APBA2: variants seen among roughly 807,000 people sequenced by gnomAD.
APBA2 encodes amyloid-beta A4 precursor protein-binding family A member 2.
APBA2 carries 30 observed loss-of-function variants against 75.0 expected under a neutral mutation model. The observed-to-expected ratio is 0.40, with a 90% CI of 0.30 to 0.54. The LOEUF is 0.54. APBA2 is among the 20% of genes least tolerant of loss of function. The pLI, the probability that APBA2 is intolerant of heterozygous loss-of-function variation, is 0.49. For synonymous variants in APBA2, 444 were observed against 409.6 expected (o/e 1.08, Z -1.01); for missense variants, 801 against 1,016.1 (o/e 0.79, Z 2.88).
chr15:28,922,505 C>T (rs1300371074), intron 2 of APBA2, among the ~76,000 whole-genome samples: 1 of 152,182 alleles, frequency 6.6e-6, no homozygotes, highest in East Asian at 1.9e-4. Context: ...CAGCCATTGT[C>T]CCGCAGGAGC....
chr15:29,081,270 G>T (rs896084125), intron 6 of APBA2, among the ~76,000 whole-genome samples: 15 of 152,302 alleles, frequency 9.8e-5, no homozygotes, highest in African/African-American at 3.1e-4. Context: ...TTGGGTGGGG[G>T]ATGGACGGGA....
chr15:28,976,657 A>G (rs1178252243), intron 2 of APBA2, among the ~76,000 whole-genome samples: 6 of 152,262 alleles, frequency 3.9e-5, no homozygotes. Context: ...CCAAGTTGAC[A>G]TGCCTGGGAT....
At chr15:29,021,031 G>A (rs578006505) in intron 3 of APBA2, among the ~76,000 whole-genome samples, 1 of 152,092 alleles carries the variant, frequency 6.6e-6, no homozygotes, top group South Asian at 2.1e-4. Context: ...GACAAGATGG[G>A]GAAGTGAGAG....
intron 3 of APBA2, among the ~76,000 whole-genome samples, chr15:29,038,306 A>G (rs1349996375): frequency 2.0e-5 from 3 of 152,208 alleles, no homozygotes; most frequent in African/African-American, 7.2e-5. Context: ...TCTGGCTCCA[A>G]GTGACCTATC....
chr15:29,053,057 G>A (rs911657873), intron 3 of APBA2, among the ~76,000 whole-genome samples: 7 of 152,272 alleles, frequency 4.6e-5, no homozygotes, highest in South Asian at 2.1e-4. Flanking sequence ...GGCCATAGCC[G>A]TGTGGTTTGG....
intron 3 of APBA2, among the ~76,000 whole-genome samples, chr15:29,017,622 T>C (rs996357280): frequency 2.0e-5 from 3 of 152,076 alleles, no homozygotes; most frequent in Non-Finnish European, 2.9e-5. Flanking sequence ...CCGTCCACCC[T>C]GGCCTCCCAA....
chr15:29,055,113 G>A (rs116761891), intron 4 of APBA2, among the ~76,000 whole-genome samples: 3,782 of 152,316 alleles, frequency 0.025, 163 homozygotes, highest in African/African-American at 0.088. Context: ...CACCCTAGAA[G>A]AGAGGTTCGA....
At chr15:29,071,072 T>A in intron 4 of APBA2, 1 of 456,714 alleles carries the variant, frequency 2.2e-6, no homozygotes, top group Non-Finnish European at 4.4e-6. Context: ...GGAAGCATCC[T>A]GACTATGTTG....
intron 3 of APBA2, among the ~76,000 whole-genome samples, chr15:29,029,412 T>C (rs1224230389): frequency 6.6e-6 from 1 of 152,182 alleles, no homozygotes; most frequent in African/African-American, 2.4e-5. Context: ...AGTTGTGATA[T>C]CTAATTTTTT....
At position 29,092,969 on chromosome 15, in the gene APBA2, C is replaced by G. The variant is rs112750895; in HGVS notation, c.1070-106C>G. Reference sequence around the variant, plus strand: ...GCAATGGTTGGGCCCTTCTAGTTTGCCCCGCATCCTGGCTGCCGTGTTCCT... The same window carrying G: ...GCAATGGTTGGGCCCTTCTAGTTTGGCCCGCATCCTGGCTGCCGTGTTCCT... On this transcript the variant is annotated intron_variant, in intron 6 of 14. Coordinates refer to ENST00000683413, the MANE Select transcript of APBA2 (RefSeq NM_001353788.2). 3.1e-5 allele frequency: 45 copies of G among 1,461,978 alleles called. 1 individual carries two copies. Among genetic ancestry groups the G allele is most frequent in the Non-Finnish European group, 4.3e-5 (45 of 1,050,218 alleles). The allele number at this position is 1,461,978 out of a possible 1,614,324, so 90.6% of individuals were successfully genotyped here.
chr15:29,054,266 C>T lies in APBA2; in HGVS notation c.382C>T (p.Pro128Ser). The change falls in exon 4 of 15, where the codon CCT becomes TCT. Residue 128 changes from proline (P) to serine (S), a missense_variant. Around this residue, in one of 2 missense-constraint regions of APBA2, gnomAD observed 434 missense variants for 471.6 expected, o/e 0.92. Transcript: ENST00000683413. The surrounding 1 kb of genome is among the most constrained non-coding windows in gnomAD (Gnocchi z 6.1). ...GEEYLAHSAH[P>S]VDTDECQEAV... is the part of the protein sequence containing the mutation. ...GGAGTACCTGGCCCACAGTGCACAC[C>T]CTGTGGACACTGATGAGTGCCAGGA... 2 of 1,614,138 alleles carry T rather than the reference C, an allele frequency of 1.2e-6. No homozygotes were observed. Among genetic ancestry groups the T allele is most frequent in the East Asian group, 2.2e-5 (1 of 44,844 alleles).
chr15:29,082,952 C>G (rs893429627), intron 6 of APBA2, among the ~76,000 whole-genome samples: 1 of 151,880 alleles, frequency 6.6e-6, no homozygotes, highest in Non-Finnish European at 1.5e-5. Context: ...ATCCCAGCTA[C>G]TAGAGAGGCT....
intron 2 of APBA2, among the ~76,000 whole-genome samples, chr15:28,955,838 A>G (rs955584767): frequency 6.6e-6 from 1 of 152,178 alleles, no homozygotes; most frequent in Non-Finnish European, 1.5e-5. Context: ...GTTCCATTGC[A>G]CTGGGTGTGT....
chr15:29,101,762 G>A lies in APBA2; in HGVS notation c.1502G>A (p.Cys501Tyr), dbSNP rs1448537552. The A allele has an allele frequency of 6.2e-7, 1 of 1,613,544 alleles. No individual in the cohort carries two copies. Among genetic ancestry groups the A allele is most frequent in the South Asian group, 1.1e-5 (1 of 91,054 alleles). The change falls in exon 10 of 15, where the codon TGC (cysteine) becomes TAC (tyrosine). Residue 501 changes from cysteine to tyrosine, a missense_variant. Cys to Tyr is a radical substitution (Grantham distance 194). Around this residue, in one of 2 missense-constraint regions of APBA2, gnomAD observed 367 missense variants for 544.5 expected, o/e 0.67. Transcript: ENST00000683413. Reference protein sequence around the residue: ...QEGKKQYKMICHVFESEDAQL... With the variant: ...QEGKKQYKMIYHVFESEDAQL... ...GGCAAGAAGCAGTATAAGATGATCT[G>A]CCATGTGTTCGAGTCGGAGGATGTA...
intron 2 of APBA2, among the ~76,000 whole-genome samples, chr15:28,985,632 T>G (rs77943150): frequency 0.018 from 2,756 of 152,354 alleles, 30 homozygotes; most frequent in Non-Finnish European, 0.029. Context: ...GTTGAGATTT[T>G]GGATTTCTGC....
chr15:28,926,109 C>T (rs559252159), intron 2 of APBA2, among the ~76,000 whole-genome samples: 1 of 152,196 alleles, frequency 6.6e-6, no homozygotes, highest in Admixed American at 6.5e-5. Flanking sequence ...AGAGTTGAGA[C>T]TTGTGTTTTT....
intron 3 of APBA2, among the ~76,000 whole-genome samples, chr15:29,051,203 G>C (rs1363275286): frequency 1.3e-5 from 2 of 152,180 alleles, no homozygotes; most frequent in African/African-American, 4.8e-5. Flanking sequence ...CAGTGTTCTT[G>C]ATGTGTCCTC....
intron 2 of APBA2, among the ~76,000 whole-genome samples, chr15:28,964,468 T>C (rs2036632425): frequency 6.6e-6 from 1 of 151,022 alleles, no homozygotes; most frequent in Admixed American, 6.6e-5. Context: ...GGGTGAAATA[T>C]CTGTTCATCA....
chr15:29,053,944 A>G lies in APBA2; in HGVS notation c.60A>G (p.Pro20=), dbSNP rs1441503061. 1.2e-6 allele frequency: 2 copies of G among 1,614,084 alleles called. No individual in the cohort carries two copies. The highest frequency in any genetic ancestry group is 1.7e-6 in the Non-Finnish European group (2 of 1,179,994). ...GCATGTTGGACCATAGGGTGAGACCAGGTCCTGTCCCTCACAGCCAGGAGC... is the reference window on the plus strand; with the variant it reads ...GCATGTTGGACCATAGGGTGAGACCGGGTCCTGTCCCTCACAGCCAGGAGC... The part of the protein sequence containing the change: ...GSGMLDHRVR[P]GPVPHSQEPE... Residue 20 remains proline (P), a synonymous_variant, in exon 4 of 15, where the codon CCA becomes CCG. Transcript: ENST00000683413.
Sources: allele counts gnomAD v4.1 joint callset (sites outside exome capture counted in the v4.1 genomes callset), GRCh38; gene constraint gnomAD v4.1.1; regional missense constraint gnomAD v4.1.1; non-coding constraint Gnocchi (gnomAD v3.1); transcripts MANE v1.5; gene names NCBI Gene and HGNC (gene_info 2026-07-23, HGNC 2026-07-21).